The following DNAH10 variants were observed in gnomAD, a reference collection of about 807,000 sequenced individuals.
The protein encoded by DNAH10 is dynein axonemal heavy chain 10, also known as axonemal beta dynein heavy chain 10.
A neutral mutation model predicts 506.6 loss-of-function variants in DNAH10; 348 were observed. That is an observed-to-expected ratio of 0.69 (90% CI 0.63 to 0.75). DNAH10 has a LOEUF of 0.75. DNAH10 is among the 30% of genes least tolerant of loss of function. The probability of loss-of-function intolerance (pLI) is 0.00; values close to 1 mark genes in which losing one functional copy is unlikely to be tolerated. For synonymous variants in DNAH10, 2,059 were observed against 2,198.6 expected (o/e 0.94, Z 1.78); for missense variants, 5,179 against 5,787.1 (o/e 0.89, Z 3.41).
Position 123,893,115 on chromosome 12 carries a change from G to T in DNAH10, c.8996-118G>T. 3 of 1,094,918 alleles carry T rather than the reference G, an allele frequency of 2.7e-6. No homozygotes were observed. The East Asian group carries it at 7.7e-5, about 28-fold the overall frequency. The allele number at this position is 1,094,918 out of a possible 1,614,324, so 67.8% of individuals were successfully genotyped here. On this transcript the variant is annotated intron_variant, in intron 52 of 78. Transcript: ENST00000673944. ...CTCGGGTCTCAGGTCAGGCCCACAC[G>T]CTGCTCTCTGGACTCAGCACCTGCT... is the stretch of plus-strand genomic sequence containing the variant.
intron 65 of DNAH10, 137 bp from the exon 66 acceptor site, chr12:123,923,626 G>T: frequency 1.7e-6 from 1 of 584,804 alleles, no homozygotes; most frequent in Non-Finnish European, 3.0e-6. Flanking sequence ...ATGGACATTA[G>T]GTGCAAAGAG....
chr12:123,805,108 G>GT, intron 18 of DNAH10, 68 bp downstream of exon 18: 1 of 1,492,366 alleles, frequency 6.7e-7, no homozygotes, highest in Non-Finnish European at 9.1e-7. Flanking sequence ...AATATGGACA[G>GT]TTAGAGGGGG....
chr12:123,910,331 A>G (rs1954007776), intron 58 of DNAH10, among the ~76,000 whole-genome samples: 1 of 152,136 alleles, frequency 6.6e-6, no homozygotes. Context: ...GTGGCAGTAA[A>G]CCATGTCCCT....
rs142447273 is a variant in DNAH10, at chr12:123,765,029, G to C, written c.214+2479G>C. 7.9e-3 allele frequency among the ~76,000 whole-genome samples: 1,200 copies of C among 152,046 alleles called. 19 individuals are homozygous for C. Among genetic ancestry groups the C allele is most frequent in the African/African-American group, 0.027 (1,122 of 41,464 alleles). ...TATTTTTGGGGGACAGGTGGTTCTG[G>C]TCTGTTCAGAGGACCTGCAGAGAGC... On this transcript the variant is annotated intron_variant, in intron 1 of 78. Transcript: ENST00000673944.
In DNAH10 at chr12:123,916,428, T is replaced by C. The variant is rs1252015694; in HGVS notation, c.10723-29T>C. On this transcript the variant is annotated intron_variant, in intron 62 of 78. Transcript: ENST00000673944. This position sits in a 1 kb window ranked among gnomAD's most constrained non-coding sequence, Gnocchi z 4.6. ...GGCAGGGCCACAGTTAAACGTGGGC[T>C]TTCAGCATCTGCCTCCCTTCTCTTC... 6.3e-7 allele frequency: 1 copy of C among 1,585,292 alleles called. No homozygotes were observed. Among genetic ancestry groups the C allele is most frequent in the East Asian group, 2.2e-5 (1 of 44,560 alleles).
At position 123,772,933 on chromosome 12, in the gene DNAH10, A is replaced by T. The variant is rs1368211220; in HGVS notation, c.496A>T (p.Asn166Tyr). The change falls in exon 4 of 79, where the codon AAT (asparagine) becomes TAT (tyrosine). Residue 166 changes from asparagine (N) to tyrosine (Y), a missense_variant. Asn to Tyr is a moderately radical substitution (Grantham distance 143, BLOSUM62 -2). Coordinates refer to ENST00000673944, the MANE Select transcript of DNAH10 (RefSeq NM_001372106.1). ...LDQNVVFFLR[N>Y]TKEAISEATD... Reference sequence around the variant, plus strand: ...CCAAAACGTGGTGTTTTTCCTCAGAAATACCAAAGGTACATTTCTGGCACG... The same window carrying T: ...CCAAAACGTGGTGTTTTTCCTCAGATATACCAAAGGTACATTTCTGGCACG... 1 of 1,611,816 alleles carries T rather than the reference A, an allele frequency of 6.2e-7. No individual in the cohort carries two copies. The highest frequency in any genetic ancestry group is 1.1e-5 in the South Asian group (1 of 90,884).
At chr12:123,896,265 A>G (rs915854806) in intron 54 of DNAH10, among the ~76,000 whole-genome samples, 4 of 152,048 alleles carry the variant, frequency 2.6e-5, no homozygotes, top group African/African-American at 9.7e-5. Flanking sequence ...TTTTTCCTGC[A>G]CACTGTAAAA....
chr12:123,868,181 A>T, intron 43 of DNAH10, 62 bp downstream of exon 43: 1 of 1,395,500 alleles, frequency 7.2e-7, no homozygotes, highest in Non-Finnish European at 9.8e-7. Context: ...TTCTAGAGGA[A>T]GTGAATGAGC....
In DNAH10 at chr12:123,919,520, G is replaced by A. The variant is rs1327558267; in HGVS notation, c.11506+571G>A. Among the ~76,000 whole-genome samples the A allele has an allele frequency of 6.6e-6, 1 of 152,140 alleles. No individual in the cohort carries two copies. Among genetic ancestry groups the A allele is most frequent in the Non-Finnish European group, 1.5e-5 (1 of 68,034 alleles). ...ATATACCATTCGGTGGTGATTCATA[G>A]CATATACATAGAGTTGTGCAGCTAT... On this transcript the variant is annotated intron_variant, in intron 65 of 78. Transcript: ENST00000673944. The surrounding 1 kb of genome is among the most constrained non-coding windows in gnomAD (Gnocchi z 4.9).
chr12:123,895,852 C>T (rs1022721401), intron 54 of DNAH10, among the ~76,000 whole-genome samples: 1 of 152,118 alleles, frequency 6.6e-6, no homozygotes, highest in South Asian at 2.1e-4. Context: ...GTGGCTCACA[C>T]CTGTAATCCC....
Position 123,917,777 on chromosome 12 carries a change from G to T in DNAH10, c.11196G>T (p.Val3732=). The change falls in exon 64 of 79, where the codon GTG becomes GTT. Residue 3732 remains valine (V), a synonymous_variant. Transcript: ENST00000673944. This position sits in a 1 kb window ranked among gnomAD's most constrained non-coding sequence, Gnocchi z 5.6. ...TGNMLDNVDL[V]HTLEETKSKA... is the part of the protein sequence containing the mutation. ...ACATGCTGGACAATGTGGACCTGGTGCACACCCTGGAGGAGACCAAATCCA... is the reference window on the plus strand; with the variant it reads ...ACATGCTGGACAATGTGGACCTGGTTCACACCCTGGAGGAGACCAAATCCA... 1 of 1,575,728 alleles carries T rather than the reference G, an allele frequency of 6.3e-7. No homozygotes were observed. Among genetic ancestry groups the T allele is most frequent in the Non-Finnish European group, 8.6e-7 (1 of 1,161,058 alleles).
intron 30 of DNAH10, among the ~76,000 whole-genome samples, chr12:123,845,134 TAC>T (rs755511747): frequency 1.9e-4 from 29 of 152,126 alleles, no homozygotes; most frequent in Admixed American, 3.3e-4. Flanking sequence ...TAGCTGGGAC[TAC>T]AGGCATGCGT....
In DNAH10 at chr12:123,903,330, C is replaced by T. The variant is rs1953617531; in HGVS notation, c.9815+217C>T. 6.6e-6 allele frequency among the ~76,000 whole-genome samples: 1 copy of T among 152,148 alleles called. No individual in the cohort carries two copies. The highest frequency in any genetic ancestry group is 6.5e-5 in the Admixed American group (1 of 15,278). ...TGGGCGCCCCAGGCATCCAGATCCCCCAGCTAGTAGGAAGCAGGGCCTGCT... is the reference window on the plus strand; with the variant it reads ...TGGGCGCCCCAGGCATCCAGATCCCTCAGCTAGTAGGAAGCAGGGCCTGCT... On this transcript the variant is annotated intron_variant, in intron 57 of 78. Coordinates refer to ENST00000673944, the MANE Select transcript of DNAH10 (RefSeq NM_001372106.1). The surrounding 1 kb of genome is among the most constrained non-coding windows in gnomAD (Gnocchi z 4.6).
chr12:123,856,348 C>G (rs1050274379), intron 36 of DNAH10, among the ~76,000 whole-genome samples: 2 of 149,510 alleles, frequency 1.3e-5, no homozygotes, highest in Admixed American at 6.7e-5. Context: ...ATCTATCTAT[C>G]TTTTTTTCGA....
chr12:123,893,181 C>A, intron 52 of DNAH10, 52 bp from the exon 53 acceptor site: 1 of 1,550,658 alleles, frequency 6.4e-7, no homozygotes, highest in Non-Finnish European at 8.8e-7. Context: ...GCACTTAGAG[C>A]GGTCATGACC....
intron 36 of DNAH10, among the ~76,000 whole-genome samples, chr12:123,855,182 A>C (rs1045990990): frequency 3.9e-5 from 6 of 152,156 alleles, no homozygotes; most frequent in African/African-American, 1.4e-4. Flanking sequence ...TCCACTCCAC[A>C]TCCTGGAGGT....
At chr12:123,771,221 C>T (rs1271266274) in intron 2 of DNAH10, among the ~76,000 whole-genome samples, 4 of 152,162 alleles carry the variant, frequency 2.6e-5, no homozygotes, top group Non-Finnish European at 5.9e-5. Flanking sequence ...CCACCCACAT[C>T]AACTTCCCAA....
chr12:123,871,287 C>A (rs1270987085), intron 44 of DNAH10, among the ~76,000 whole-genome samples, 170 bp from the exon 45 acceptor site: 2 of 152,182 alleles, frequency 1.3e-5, no homozygotes, highest in Non-Finnish European at 2.9e-5. Context: ...AGAACTGTGC[C>A]AAAGTCAATC....
intron 51 of DNAH10, among the ~76,000 whole-genome samples, chr12:123,884,498 C>G (rs2137095042): frequency 6.6e-6 from 1 of 152,308 alleles, no homozygotes; most frequent in South Asian, 2.1e-4. Context: ...CCAGAGAGGG[C>G]CCTCTCCCGG....
Sources: allele counts gnomAD v4.1 joint callset (sites outside exome capture counted in the v4.1 genomes callset), GRCh38; gene constraint gnomAD v4.1.1; non-coding constraint Gnocchi (gnomAD v3.1); transcripts MANE v1.5; gene names NCBI Gene and HGNC (gene_info 2026-07-23, HGNC 2026-07-21).